FAM3C: variants seen among roughly 807,000 people sequenced by gnomAD.
FAM3C encodes protein FAM3C.
A neutral mutation model predicts 32.5 loss-of-function variants in FAM3C; 15 were observed. The observed-to-expected ratio is 0.46, with a 90% confidence interval of 0.31 to 0.71. The LOEUF (loss-of-function observed/expected upper bound fraction) is 0.71, where lower values mean the gene tolerates loss of function less well. Among genes scored for constraint, FAM3C ranks in the 30% least tolerant of loss-of-function variants. The pLI is 0.05. For synonymous variants in FAM3C, 75 were observed against 86.1 expected, an observed-to-expected ratio of 0.87 and a Z score of 0.72; for missense variants, 175 against 274.4, an observed-to-expected ratio of 0.64 and a Z score of 2.56.
intron 5 of FAM3C, among the ~76,000 whole-genome samples, chr7:121,368,738 T>C (rs985509290): frequency 1.3e-5 from 2 of 152,048 alleles, no homozygotes; most frequent in South Asian, 2.1e-4. Context: ...TCCAGAGCTA[T>C]CCAATCTTAG....
chr7:121,378,817 T>A, intron 3 of FAM3C, 93 bp downstream of exon 3: 1 of 559,418 alleles, frequency 1.8e-6, no homozygotes, highest in Admixed American at 3.6e-5. Context: ...TCACATTTCG[T>A]TTTCTAGCAC....
chr7:121,390,167 C>T (rs777196759), intron 1 of FAM3C, among the ~76,000 whole-genome samples: 5 of 152,204 alleles, frequency 3.3e-5, no homozygotes, highest in Non-Finnish European at 5.9e-5. Context: ...AGAGGAACCT[C>T]TGGTTGCCAG....
intron 3 of FAM3C, among the ~76,000 whole-genome samples, chr7:121,374,188 T>C (rs1403634108): frequency 1.3e-5 from 2 of 152,198 alleles, no homozygotes; most frequent in African/African-American, 4.8e-5. Context: ...TAGTGTATTA[T>C]AGTTTTGCAA....
At chr7:121,376,466 T>TTGGA (rs1265800920) in intron 3 of FAM3C, among the ~76,000 whole-genome samples, 1 of 152,144 alleles carries the variant, frequency 6.6e-6, no homozygotes, top group Non-Finnish European at 1.5e-5. Flanking sequence ...CAGTACAGGT[T>TTGGA]TAAGTATCCC....
chr7:121,392,475 C>T (rs1651592352), intron 1 of FAM3C, among the ~76,000 whole-genome samples: 1 of 152,128 alleles, frequency 6.6e-6, no homozygotes, highest in Non-Finnish European at 1.5e-5. Flanking sequence ...GGGAAGCCGC[C>T]CTCATGATGC....
chr7:121,349,715 C>T lies in FAM3C; in HGVS notation c.*746G>A, dbSNP rs1793659998. 4 of 151,472 alleles carry T rather than the reference C, an allele frequency of 2.6e-5. No individual in the cohort carries two copies. Among genetic ancestry groups the T allele is most frequent in the African/African-American group, 4.8e-5 (2 of 41,348 alleles). The allele number at this position is 151,472 out of a possible 1,614,324, so 9.4% of individuals were successfully genotyped here. On this transcript the variant is annotated 3_prime_UTR_variant, in exon 10 of 10. Coordinates refer to ENST00000359943, the MANE Select transcript of FAM3C (RefSeq NM_014888.3). ...TAATTAGGTTGGGGAGGGGACTTGGCCTGGTTCTCCAGTTCTGTGAAGCTG... is the reference window on the plus strand; with the variant it reads ...TAATTAGGTTGGGGAGGGGACTTGGTCTGGTTCTCCAGTTCTGTGAAGCTG...
intron 5 of FAM3C, 23 bp downstream of exon 5, chr7:121,371,277 G>A (rs1224722549): frequency 9.3e-6 from 15 of 1,610,724 alleles, no homozygotes; most frequent in African/African-American, 1.3e-5. Flanking sequence ...ACACCTTATC[G>A]TCTCAAGTCA....
chr7:121,352,672 G>C (rs1793727990), intron 8 of FAM3C, among the ~76,000 whole-genome samples: 1 of 152,208 alleles, frequency 6.6e-6, no homozygotes, highest in Admixed American at 6.5e-5. Flanking sequence ...TTCCTCTGCA[G>C]CTTCGTTTCC....
chr7:121,370,069 G>C (rs985823486), intron 5 of FAM3C, among the ~76,000 whole-genome samples: 4 of 151,998 alleles, frequency 2.6e-5, no homozygotes, highest in African/African-American at 9.7e-5. Context: ...ATCAAATTTG[G>C]GGTCTATTTA....
intron 1 of FAM3C, among the ~76,000 whole-genome samples, chr7:121,388,434 G>A (rs528317529): frequency 2.0e-5 from 3 of 152,090 alleles, no homozygotes; most frequent in Admixed American, 1.3e-4. Context: ...TGGGGGTGTG[G>A]GGAGAGGTGA....
chr7:121,376,629 G>A (rs946129319), intron 3 of FAM3C, among the ~76,000 whole-genome samples: 4 of 152,090 alleles, frequency 2.6e-5, no homozygotes, highest in Admixed American at 6.5e-5. Flanking sequence ...GCATCATGTC[G>A]ATGTTCAAAA....
At chr7:121,383,886 G>A (rs1477220050) in intron 1 of FAM3C, among the ~76,000 whole-genome samples, 1 of 152,176 alleles carries the variant, frequency 6.6e-6, no homozygotes, top group Non-Finnish European at 1.5e-5. Flanking sequence ...AGGAAATTTT[G>A]ATGGATGAAT....
intron 1 of FAM3C, among the ~76,000 whole-genome samples, chr7:121,394,243 C>A (rs1034602118): frequency 1.3e-5 from 2 of 152,172 alleles, no homozygotes; most frequent in Non-Finnish European, 2.9e-5. Context: ...TCTTCTGATA[C>A]CCCCTCAGGG....
rs1488269031 is a variant in FAM3C, at chr7:121,371,290, A to C, written c.272+10T>G. 1 of 1,612,180 alleles carries C rather than the reference A, an allele frequency of 6.2e-7. No individual in the cohort carries two copies. The highest frequency in any genetic ancestry group is 1.3e-5 in the African/African-American group (1 of 75,010). ...GCACACCTTATCGTCTCAAGTCAAC[A>C]AAGACTTACACATTATCTTCCAGGC... On this transcript the variant is annotated intron_variant, in intron 5 of 9. Transcript: ENST00000359943.
At chr7:121,366,918 T>A (rs764748037) in intron 5 of FAM3C, among the ~76,000 whole-genome samples, 6 of 152,174 alleles carry the variant, frequency 3.9e-5, no homozygotes, top group Non-Finnish European at 7.4e-5. Context: ...GAGTGACTTT[T>A]CCAAGTAAAG....
At chr7:121,369,434 T>C (rs1343567799) in intron 5 of FAM3C, among the ~76,000 whole-genome samples, 1 of 152,210 alleles carries the variant, frequency 6.6e-6, no homozygotes, top group Admixed American at 6.5e-5. Flanking sequence ...CTTTGGACTT[T>C]AACCTGAGGC....
At chr7:121,353,291 C>T (rs1793743976) in intron 8 of FAM3C, among the ~76,000 whole-genome samples, 1 of 152,146 alleles carries the variant, frequency 6.6e-6, no homozygotes, top group African/African-American at 2.4e-5. Flanking sequence ...TTTTGTACTC[C>T]TGAATTTCAG....
rs548817574 is a variant in FAM3C at position 121,390,784 on chromosome 7, C to T, written c.-42+5378G>A. Among the ~76,000 whole-genome samples, 10 of 136,766 alleles carry T rather than the reference C, an allele frequency of 7.3e-5. No individual in the cohort carries two copies. In the East Asian group the frequency reaches 1.5e-3, roughly 20 times the overall value. 89.7% of individuals were successfully genotyped at this position (136,766 alleles called of 152,430 possible). ...ATAAGCTCCCCAGATGACTGTCATT[C>T]GTGCTCAGATCTGAGAGCTTCAGAT... On this transcript the variant is annotated intron_variant, in intron 1 of 9. Transcript: ENST00000359943.
intron 1 of FAM3C, 124 bp from the exon 2 acceptor site, chr7:121,383,134 A>G (rs1936313924): frequency 5.8e-6 from 3 of 517,982 alleles, no homozygotes; most frequent in South Asian, 6.1e-5. Context: ...TTATGCCAAC[A>G]TTGGCATTAA....
Sources: gnomAD v4.1 joint callset for allele counts (sites outside exome capture counted in the v4.1 genomes callset) on GRCh38, gnomAD v4.1.1 for gene constraint, MANE v1.5 for transcripts, NCBI Gene and HGNC (gene_info 2026-07-23, HGNC 2026-07-21) for gene names.